The following ZFHX3 variants were observed in gnomAD, a reference collection of about 807,000 sequenced individuals.
The protein encoded by ZFHX3 is zinc finger homeobox 3.
ZFHX3 carries 42 observed loss-of-function variants against 279.1 expected under a neutral mutation model. The ratio of observed to expected loss-of-function variants is 0.15; its 90% CI spans 0.12 to 0.19. The LOEUF (loss-of-function observed/expected upper bound fraction) is 0.19. ZFHX3 is among the 10% of genes least tolerant of loss of function. The probability of loss-of-function intolerance (pLI) is 1.00; values close to 1 mark genes in which losing one functional copy is unlikely to be tolerated. For missense variants in ZFHX3, 4,981 were observed against 4,754.0 expected (o/e 1.05, Z -1.40); for synonymous variants, 2,293 against 1,957.8 (o/e 1.17, Z -4.52).
intron 3 of ZFHX3, among the ~76,000 whole-genome samples, chr16:73,359,020 T>C (rs1024948697): frequency 6.6e-6 from 1 of 152,312 alleles, no homozygotes; most frequent in Middle Eastern, 3.4e-3. Context: ...ATCATTCTTA[T>C]GAGGATGATA....
intron 3 of ZFHX3, among the ~76,000 whole-genome samples, chr16:73,328,252 G>A (rs2015732489): frequency 6.6e-6 from 1 of 151,974 alleles, no homozygotes; most frequent in Non-Finnish European, 1.5e-5. Flanking sequence ...AAACTGGGGA[G>A]GTGGTGGTTG....
chr16:73,544,231 A>C (rs1364764501), intron 2 of ZFHX3, among the ~76,000 whole-genome samples: 1 of 152,094 alleles, frequency 6.6e-6, no homozygotes, highest in Non-Finnish European at 1.5e-5. Flanking sequence ...AGTTTGTTTT[A>C]CATTTATTTC....
chr16:73,576,604 A>G (rs2051802164), intron 2 of ZFHX3, among the ~76,000 whole-genome samples: 1 of 152,062 alleles, frequency 6.6e-6, no homozygotes, highest in South Asian at 2.1e-4. Flanking sequence ...ACCTGCCAAC[A>G]CCCTGCTGAC....
intron 2 of ZFHX3, among the ~76,000 whole-genome samples, chr16:73,600,416 T>C (rs1013463752): frequency 2.3e-4 from 24 of 104,096 alleles, no homozygotes; most frequent in Admixed American, 9.8e-4. Flanking sequence ...TTGGTCTCTC[T>C]ACTTTTTTTT....
chr16:73,407,632 G>C (rs1276203557), intron 3 of ZFHX3, among the ~76,000 whole-genome samples: 1 of 152,134 alleles, frequency 6.6e-6, no homozygotes, highest in Non-Finnish European at 1.5e-5. Context: ...GCTGGTGTTA[G>C]AACCAGGAGA....
intron 4 of ZFHX3, among the ~76,000 whole-genome samples, chr16:73,282,395 A>G (rs1030599065): frequency 2.0e-5 from 3 of 152,210 alleles, no homozygotes; most frequent in African/African-American, 7.2e-5. Flanking sequence ...TCTATTATTA[A>G]CTTGCTTTTT....
At chr16:73,045,680 ATTATTG>A in intron 1 of ZFHX3, among the ~76,000 whole-genome samples, 1 of 137,214 alleles carries the variant, frequency 7.3e-6, no homozygotes, top group Admixed American at 7.2e-5. Context: ...TATTATTATT[ATTATTG>A]AATAGTTAGC....
chr16:73,849,853 C>G (rs1023942136), intron 1 of ZFHX3, among the ~76,000 whole-genome samples: 11 of 152,212 alleles, frequency 7.2e-5, no homozygotes, highest in African/African-American at 2.2e-4. Context: ...CTGCCTCAGC[C>G]TCCCAAGTGG....
chr16:73,581,764 G>A (rs535266274), intron 2 of ZFHX3, among the ~76,000 whole-genome samples: 7 of 138,670 alleles, frequency 5.0e-5, no homozygotes, highest in Admixed American at 2.4e-4. Context: ...TCCACCTCCC[G>A]GGTTCAACCG....
intron 3 of ZFHX3, among the ~76,000 whole-genome samples, chr16:73,428,154 G>A (rs2017845017): frequency 6.6e-6 from 1 of 152,156 alleles, no homozygotes; most frequent in Admixed American, 6.5e-5. Flanking sequence ...TGAGGTTTGA[G>A]AACCAGAACC....
At position 72,788,754 on chromosome 16, in the gene ZFHX3, G is replaced by C. The variant is rs767126040; in HGVS notation, c.9522C>G (p.Ser3174=). Residue 3174 remains serine, a synonymous_variant, in exon 10 of 10, where the codon TCC becomes TCG. Coordinates refer to ENST00000268489, the MANE Select transcript of ZFHX3 (RefSeq NM_006885.4). ...GGGTTGGGGAGCTCAGCGACGCTGA[G>C]GACGGTTTATTTGGTAATCCAGAAG... ...LPTSGLPNKP[S]SASLSSPTPA... 1 of 1,579,308 alleles carries C rather than the reference G, an allele frequency of 6.3e-7. No individual in the cohort carries two copies. Among genetic ancestry groups the C allele is most frequent in the South Asian group, 1.2e-5 (1 of 84,442 alleles).
rs549860492 is a variant in ZFHX3 at position 73,764,274 on chromosome 16, C to A, written c.-1607-84034G>T. 9.2e-5 allele frequency among the ~76,000 whole-genome samples: 14 copies of A among 152,298 alleles called. No homozygotes were observed. The South Asian group carries it at 2.9e-3, about 32-fold the overall frequency. ...GCTCTTTGACATTGCTTGCTGCCAT[C>A]CTGCCTTCAACCTCAAATCAGGTTT... On this transcript the variant is annotated intron_variant, in intron 1 of 17. Coordinates refer to the ZFHX3 transcript ENST00000641206.
intron 1 of ZFHX3, among the ~76,000 whole-genome samples, chr16:73,031,907 C>T (rs1382639214): frequency 6.6e-6 from 1 of 151,942 alleles, no homozygotes; most frequent in African/African-American, 2.4e-5. Context: ...AGGCAGCACC[C>T]CAATAGAATG....
chr16:72,931,662 C>T (rs111374331), intron 3 of ZFHX3, among the ~76,000 whole-genome samples: 331 of 151,438 alleles, frequency 2.2e-3, no homozygotes, highest in African/African-American at 7.2e-3. Flanking sequence ...GTTTTGCATA[C>T]TTGACTGCAG....
intron 3 of ZFHX3, chr16:73,400,937 C>T (rs1464268361): frequency 2.0e-5 from 3 of 152,226 alleles, no homozygotes; most frequent in South Asian, 4.1e-4. Flanking sequence ...CTACCTGCCC[C>T]GGAAGCCATC....
intron 4 of ZFHX3, among the ~76,000 whole-genome samples, chr16:73,292,082 G>A (rs2014785940): frequency 6.6e-6 from 1 of 152,136 alleles, no homozygotes; most frequent in African/African-American, 2.4e-5. Context: ...AGTTCATTAT[G>A]TTACTTATCT....
upstream of ZFHX3, among the ~76,000 whole-genome samples, chr16:73,051,262 G>A (rs62055075): frequency 0.045 from 6,873 of 152,284 alleles, 349 homozygotes; most frequent in East Asian, 0.27. Flanking sequence ...ATCCAGAAGA[G>A]GGCAAGAAAC....
chr16:72,818,786 G>A (rs2036693515), intron 5 of ZFHX3, among the ~76,000 whole-genome samples: 1 of 152,216 alleles, frequency 6.6e-6, no homozygotes, highest in Non-Finnish European at 1.5e-5. Flanking sequence ...CTAAGGAAAT[G>A]CAAGCTATCT....
At chr16:72,922,895 CT>C (rs1348929977) in intron 3 of ZFHX3, among the ~76,000 whole-genome samples, 1 of 152,114 alleles carries the variant, frequency 6.6e-6, no homozygotes, top group Non-Finnish European at 1.5e-5. Flanking sequence ...CCCCAGCCTG[CT>C]TCCTGCTCTG....
Sources: allele counts gnomAD v4.1 joint callset (sites outside exome capture counted in the v4.1 genomes callset), GRCh38; gene constraint gnomAD v4.1.1; transcripts MANE v1.5; gene names NCBI Gene and HGNC (gene_info 2026-07-23, HGNC 2026-07-21).